The following TECPR2 variants were observed in gnomAD, a reference collection of about 807,000 sequenced individuals.
The protein encoded by TECPR2 is tectonin beta-propeller repeat containing 2, also known as tectonin beta-propeller repeat-containing protein 2.
A neutral mutation model predicts 138.1 loss-of-function variants in TECPR2; 65 were observed. The ratio of observed to expected loss-of-function variants is 0.47; its 90% CI spans 0.39 to 0.58. The LOEUF (loss-of-function observed/expected upper bound fraction) is 0.58. TECPR2 is among the 20% of genes least tolerant of loss of function. The probability of loss-of-function intolerance (pLI) is 0.00; values close to 1 mark genes in which losing one functional copy is unlikely to be tolerated. For synonymous variants in TECPR2, 746 were observed against 749.8 expected (o/e 0.99, Z 0.08); for missense variants, 1,553 against 1,824.5 (o/e 0.85, Z 2.71).
At chr14:102,449,926 C>A in intron 14 of TECPR2, 57 bp downstream of exon 14, 2 of 1,587,918 alleles carry the variant, frequency 1.3e-6, no homozygotes, top group Admixed American at 1.8e-5. Context: ...ACTTTAAAGC[C>A]AACATTTAAA....
chr14:102,396,190 C>T (rs1888310598), intron 2 of TECPR2, among the ~76,000 whole-genome samples: 1 of 151,456 alleles, frequency 6.6e-6, no homozygotes, highest in Non-Finnish European at 1.5e-5. Context: ...GCAACCTCTG[C>T]CTCATGGGTT....
chr14:102,474,686 A>C (rs1046369892), intron 17 of TECPR2, among the ~76,000 whole-genome samples: 1 of 152,136 alleles, frequency 6.6e-6, no homozygotes, highest in Non-Finnish European at 1.5e-5. Flanking sequence ...GTTTTCCCAT[A>C]ATGGGTAGGA....
intron 13 of TECPR2, 147 bp downstream of exon 13, chr14:102,446,094 T>A (rs1022466418): frequency 1.8e-6 from 2 of 1,099,790 alleles, no homozygotes; most frequent in Non-Finnish European, 2.5e-6. Context: ...TGAAACAAGA[T>A]CTCCTTCCGT....
At chr14:102,439,339 G>T (rs182741811) in intron 10 of TECPR2, among the ~76,000 whole-genome samples, 1 of 152,140 alleles carries the variant, frequency 6.6e-6, no homozygotes, top group African/African-American at 2.4e-5. Context: ...CTGTGTTTCG[G>T]GATGAATTTC....
chr14:102,381,640 A>C (rs1887823211), intron 2 of TECPR2, among the ~76,000 whole-genome samples: 1 of 152,200 alleles, frequency 6.6e-6, no homozygotes, highest in South Asian at 2.1e-4. Context: ...AATACCTATC[A>C]AGAAAGGTGA....
intron 2 of TECPR2, among the ~76,000 whole-genome samples, chr14:102,405,686 A>C (rs1888639614): frequency 6.6e-6 from 1 of 152,226 alleles, no homozygotes; most frequent in African/African-American, 2.4e-5. Context: ...TATGTACCCA[A>C]GATAATTGAA....
At chr14:102,461,571 G>A (rs905414675) in intron 16 of TECPR2, among the ~76,000 whole-genome samples, 2 of 152,228 alleles carry the variant, frequency 1.3e-5, no homozygotes, top group Non-Finnish European at 2.9e-5. Context: ...AAATGTCAGT[G>A]TGTTTGCATC....
chr14:102,425,089 C>G lies in TECPR2; in HGVS notation c.749C>G (p.Thr250Ser). ...CTATGGAAGGCTGATGTCCACGGGACTGTTCAAGCCACGTTTATCTTAAAA... is the reference window on the plus strand; with the variant it reads ...CTATGGAAGGCTGATGTCCACGGGAGTGTTCAAGCCACGTTTATCTTAAAA... ...LRLWKADVHG[T>S]VQATFILKDA... The change falls in exon 6 of 20, where the codon ACT becomes AGT. Residue 250 changes from threonine (T) to serine (S), a missense_variant. By Grantham distance (58) the Thr-to-Ser change is moderately conservative (BLOSUM62 1). Coordinates refer to ENST00000359520, the MANE Select transcript of TECPR2 (RefSeq NM_014844.5). The G allele has an allele frequency of 6.2e-7, 1 of 1,614,126 alleles. No individual in the cohort carries two copies. The highest frequency in any genetic ancestry group is 1.1e-5 in the South Asian group (1 of 91,070).
chr14:102,443,534 T>G lies in TECPR2; in HGVS notation c.2753-113T>G. ...AAGTTTTTTTTTAAAGCACTCATCA[T>G]AAAAGAATATAGCAAAATACCAAAA... On this transcript the variant is annotated intron_variant, in intron 11 of 19. Coordinates refer to ENST00000359520, the MANE Select transcript of TECPR2 (RefSeq NM_014844.5). This position sits in a 1 kb window ranked among gnomAD's most constrained non-coding sequence, Gnocchi z 4.9. 1 of 1,046,598 alleles carries G rather than the reference T, an allele frequency of 9.6e-7. No homozygotes were observed. The highest frequency in any genetic ancestry group is 3.8e-5 in the South Asian group (1 of 26,148). 64.8% of individuals were successfully genotyped at this position (1,046,598 alleles called of 1,614,324 possible). A position where few individuals can be genotyped will look rare whatever the true frequency, so the allele number is the denominator to read the frequency against.
intron 2 of TECPR2, among the ~76,000 whole-genome samples, chr14:102,404,600 AGACT>A (rs1888600318): frequency 6.6e-6 from 1 of 150,434 alleles, no homozygotes; most frequent in South Asian, 2.1e-4. Context: ...TTTTTGAGAC[AGACT>A]GTCACTCTGT....
intron 17 of TECPR2, among the ~76,000 whole-genome samples, chr14:102,473,108 G>A (rs944740378): frequency 3.3e-5 from 5 of 152,220 alleles, no homozygotes; most frequent in Non-Finnish European, 5.9e-5. Flanking sequence ...GCCTCATAGC[G>A]GGCAGGCGGC....
rs556280350 is a variant in TECPR2 at position 102,436,990 on chromosome 14, C to T, written c.2395-1032C>T. ...GACAGGGATCCTGGCCCTTTGAGCC[C>T]CTGACTCTCTAACTTCCTCCCTTCC... On this transcript the variant is annotated intron_variant, in intron 9 of 19. Transcript: ENST00000359520. 4 of 985,396 alleles carry T rather than the reference C, an allele frequency of 4.1e-6. No homozygotes were observed. The South Asian group carries it at 1.9e-4, about 46-fold the overall frequency. The allele number at this position is 985,396 out of a possible 1,614,324, so 61.0% of individuals were successfully genotyped here. A position where few individuals can be genotyped will look rare whatever the true frequency, so the allele number is the denominator to read the frequency against.
chr14:102,457,164 G>A (rs1890294052), intron 16 of TECPR2, among the ~76,000 whole-genome samples: 1 of 150,816 alleles, frequency 6.6e-6, no homozygotes, highest in East Asian at 2.0e-4. Flanking sequence ...GGCTGACTGC[G>A]ACCTCCGCCT....
At chr14:102,369,785 A>C (rs528603382) in intron 1 of TECPR2, among the ~76,000 whole-genome samples, 66 of 140,140 alleles carry the variant, frequency 4.7e-4, no homozygotes, top group East Asian at 1.5e-3. Flanking sequence ...ACTAAAAAAA[A>C]CAAAAAAACA....
chr14:102,402,206 A>G (rs1360934372), intron 2 of TECPR2, among the ~76,000 whole-genome samples: 1 of 152,222 alleles, frequency 6.6e-6, no homozygotes, highest in East Asian at 1.9e-4. Context: ...TTCTTATTGC[A>G]ACCACAACAG....
chr14:102,434,863 C>T lies in TECPR2; in HGVS notation c.2046C>T (p.Asp682=). 6.2e-7 allele frequency: 1 copy of T among 1,613,704 alleles called. No homozygotes were observed. Among genetic ancestry groups the T allele is most frequent in the Non-Finnish European group, 8.5e-7 (1 of 1,180,032 alleles). ...GSPVEPSQEQ[D]ILTSMEASGH... is the part of the protein sequence containing the mutation. ...CCGTGGAGCCCAGCCAAGAGCAGGA[C>T]ATCCTAACCAGCATGGAGGCCTCTG... The change falls in exon 9 of 20, where the codon GAC becomes GAT. Residue 682 remains aspartate (D), a synonymous_variant. Transcript: ENST00000359520.
rs1388607545 is a variant in TECPR2, at chr14:102,419,371, AAGAC to A, written c.638+4580_638+4583del. Among the ~76,000 whole-genome samples the A allele has an allele frequency of 6.6e-6, 1 of 152,126 alleles. No individual in the cohort carries two copies. Among genetic ancestry groups the A allele is most frequent in the Admixed American group, 6.5e-5 (1 of 15,284 alleles). On this transcript the variant is annotated intron_variant, in intron 5 of 19. Transcript: ENST00000359520. This position sits in a 1 kb window ranked among gnomAD's most constrained non-coding sequence, Gnocchi z 4.8. ...GTGTTTTTGTAGAAGAGAACAAAGA[AAGAC>A]AAATAGGTGGTGCCCAGGGGGGAAC...
At chr14:102,472,969 C>T (rs1003194568) in intron 17 of TECPR2, among the ~76,000 whole-genome samples, 41 of 152,390 alleles carry the variant, frequency 2.7e-4, no homozygotes, top group African/African-American at 9.9e-4. Flanking sequence ...CAGGCGCTCG[C>T]CTTGTGCCAG....
At chr14:102,409,840 T>C (rs1888773547) in intron 4 of TECPR2, among the ~76,000 whole-genome samples, 1 of 151,912 alleles carries the variant, frequency 6.6e-6, no homozygotes, top group African/African-American at 2.4e-5. Context: ...AGTCTCGCTC[T>C]GTTGCCCAGG....
Sources: gnomAD v4.1 joint callset for allele counts (sites outside exome capture counted in the v4.1 genomes callset) on GRCh38, gnomAD v4.1.1 for gene constraint, Gnocchi (gnomAD v3.1) non-coding constraint, MANE v1.5 for transcripts, NCBI Gene and HGNC (gene_info 2026-07-23, HGNC 2026-07-21) for gene names.